CCDC191: variants seen among roughly 807,000 people sequenced by gnomAD.
The protein encoded by CCDC191 is coiled-coil domain-containing protein 191.
In CCDC191, 99 loss-of-function variants were observed where a neutral mutation model predicts 114.0. The observed-to-expected ratio is 0.87, with a 90% CI of 0.74 to 1.03. The LOEUF (loss-of-function observed/expected upper bound fraction) is 1.03, where lower values mean the gene tolerates loss of function less well. Ranked by LOEUF, CCDC191 falls within the 50% of genes least tolerant of loss-of-function variation. The pLI is 0.00. For synonymous variants in CCDC191, 351 were observed against 376.0 expected, an observed-to-expected ratio of 0.93 and a Z score of 0.77; for missense variants, 973 against 1,087.0, an observed-to-expected ratio of 0.90 and a Z score of 1.47.
chr3:113,966,174 A>G (rs1278492771), intron 16 of CCDC191, among the ~76,000 whole-genome samples: 1 of 152,210 alleles, frequency 6.6e-6, no homozygotes, highest in Non-Finnish European at 1.5e-5. Flanking sequence ...CCTGCTGGTA[A>G]CCTGACCTCC....
At chr3:114,012,228 T>A (rs904949601) in intron 8 of CCDC191, among the ~76,000 whole-genome samples, 7 of 152,044 alleles carry the variant, frequency 4.6e-5, no homozygotes, top group African/African-American at 7.2e-5. Flanking sequence ...TATACGTGTG[T>A]GTGTGTGTGT....
intron 2 of CCDC191, 184 bp from the exon 3 acceptor site, chr3:114,046,916 A>T (rs2107756646): frequency 1.0e-6 from 1 of 971,890 alleles, no homozygotes. Flanking sequence ...TTTCATATAT[A>T]ATATTAAATT....
intron 7 of CCDC191, among the ~76,000 whole-genome samples, chr3:114,024,169 A>AGAAT (rs2076284968): frequency 6.6e-6 from 1 of 152,242 alleles, no homozygotes; most frequent in Non-Finnish European, 1.5e-5. Context: ...CACACCAGTT[A>AGAAT]GAATGGCGAT....
At chr3:114,016,722 T>C (rs981643774) in intron 8 of CCDC191, among the ~76,000 whole-genome samples, 6 of 152,220 alleles carry the variant, frequency 3.9e-5, no homozygotes, top group African/African-American at 1.4e-4. Context: ...AGTGCTTTTA[T>C]ATTTAAAGTT....
At chr3:113,991,230 C>CAAAAAAAAAAAA (rs375843277) in intron 13 of CCDC191, among the ~76,000 whole-genome samples, 1 of 82,580 alleles carries the variant, frequency 1.2e-5, no homozygotes, top group Non-Finnish European at 2.3e-5. Flanking sequence ...AGTGAGACTC[C>CAAAAAAAAAAAA]AAAAAAAAAA....
At chr3:114,003,767 G>A (rs1343656143) in intron 11 of CCDC191, 2 of 985,246 alleles carry the variant, frequency 2.0e-6, no homozygotes, top group African/African-American at 3.5e-5. Flanking sequence ...TGCAGGCACA[G>A]TGTCTTTCAT....
At chr3:113,980,566 A>C (rs1317389007) in intron 14 of CCDC191, 84 bp downstream of exon 14, 21 of 1,273,704 alleles carry the variant, frequency 1.6e-5, no homozygotes, top group East Asian at 5.4e-5. Flanking sequence ...ACCAAACCCT[A>C]CCCTCCCCCA....
chr3:114,035,289 A>G (rs1288210714), intron 5 of CCDC191, 141 bp from the exon 6 acceptor site: 7 of 629,220 alleles, frequency 1.1e-5, no homozygotes, highest in African/African-American at 1.1e-4. Context: ...TTGGTAGGAA[A>G]GGAGGAATTC....
intron 4 of CCDC191, among the ~76,000 whole-genome samples, chr3:114,039,065 A>T (rs535365336): frequency 1.5e-4 from 23 of 152,250 alleles, no homozygotes; most frequent in African/African-American, 5.5e-4. Flanking sequence ...CCCTCAAAAA[A>T]TCTTAAGAAT....
chr3:114,035,026 A>T lies in CCDC191; in HGVS notation c.717T>A (p.Ala239=). ...CLVQEEKKRK[A]LEAKKEEEEI... ...CCTCTTCCTCTTTCTTGGCCTCCAG[A>T]GCCTTCCTTTTCTTCTCTTCTTGCA... Residue 239 remains alanine, a synonymous_variant, in exon 6 of 17, where the codon GCT becomes GCA. Coordinates refer to ENST00000295878, the MANE Select transcript of CCDC191 (RefSeq NM_020817.2). 6.2e-7 allele frequency: 1 copy of T among 1,613,948 alleles called. No individual in the cohort carries two copies. The highest frequency in any genetic ancestry group is 8.5e-7 in the Non-Finnish European group (1 of 1,179,978).
At chr3:114,016,052 C>A (rs143513598) in intron 8 of CCDC191, among the ~76,000 whole-genome samples, 182 of 152,282 alleles carry the variant, frequency 1.2e-3, no homozygotes, top group African/African-American at 4.0e-3. Context: ...CCCTTCATGG[C>A]GGACAGGCCA....
chr3:114,046,613 A>G lies in CCDC191; in HGVS notation c.249T>C (p.Asp83=). ...TACCTTCTGCATAGATTTCATCATGATCCTCTATTTGCTCAGATGTTTTCA... is the reference window on the plus strand; with the variant it reads ...TACCTTCTGCATAGATTTCATCATGGTCCTCTATTTGCTCAGATGTTTTCA... ...TDLKTSEQIE[D]HDEIYAEAQE... Residue 83 remains aspartate, a synonymous_variant, in exon 3 of 17, where the codon GAT becomes GAC. Transcript: ENST00000295878. The G allele has an allele frequency of 2.5e-6, 4 of 1,599,284 alleles. No homozygotes were observed. Among genetic ancestry groups the G allele is most frequent in the Non-Finnish European group, 3.4e-6 (4 of 1,166,700 alleles).
intron 16 of CCDC191, among the ~76,000 whole-genome samples, chr3:113,976,469 G>GA (rs1172923506): frequency 6.6e-6 from 1 of 151,966 alleles, no homozygotes; most frequent in Non-Finnish European, 1.5e-5. Flanking sequence ...CTGAAAAATG[G>GA]AAATAATGAC....
chr3:114,027,183 A>T (rs952824958), intron 7 of CCDC191, among the ~76,000 whole-genome samples: 29 of 152,216 alleles, frequency 1.9e-4, no homozygotes, highest in Admixed American at 3.9e-4. Flanking sequence ...AAGACATGAA[A>T]TGTGTAGAAA....
Position 114,045,562 on chromosome 3 carries a change from G to A in CCDC191, c.271+1029C>T, listed in dbSNP as rs149782606. ...AAATCCTTCATATATTTTATAAACT[G>A]TCATATTACTCCTCTGCTTAAAACC... On this transcript the variant is annotated intron_variant, in intron 3 of 16. Transcript: ENST00000295878. Among the ~76,000 whole-genome samples the A allele has an allele frequency of 2.3e-3, 344 of 152,110 alleles. 1 individual carries two copies. Among genetic ancestry groups the A allele is most frequent in the Admixed American group, 5.0e-3 (76 of 15,278 alleles).
At chr3:114,037,846 A>T (rs947567252) in intron 4 of CCDC191, among the ~76,000 whole-genome samples, 3 of 152,222 alleles carry the variant, frequency 2.0e-5, no homozygotes, top group Non-Finnish European at 4.4e-5. Flanking sequence ...AATGACAAGA[A>T]AAAAGCTGTA....
intron 13 of CCDC191, among the ~76,000 whole-genome samples, chr3:113,988,585 C>T (rs187083367): frequency 1.5e-5 from 2 of 137,738 alleles, no homozygotes; most frequent in Admixed American, 1.6e-4. Context: ...GAGATCACGC[C>T]ACTGCACTCC....
At chr3:114,016,062 A>G (rs1473255243) in intron 8 of CCDC191, among the ~76,000 whole-genome samples, 1 of 152,262 alleles carries the variant, frequency 6.6e-6, no homozygotes, top group African/African-American at 2.4e-5. Flanking sequence ...CGGACAGGCC[A>G]GTGAGCGGAA....
Position 114,046,619 on chromosome 3 carries a change from T to C in CCDC191, c.243A>G (p.Ile81Met). Residue 81 changes from isoleucine to methionine, a missense_variant, in exon 3 of 17, where the codon ATA (isoleucine) becomes ATG (methionine). Transcript: ENST00000295878. ...QITDLKTSEQ[I>M]EDHDEIYAEA... ...CTGCATAGATTTCATCATGATCCTC[T>C]ATTTGCTCAGATGTTTTCAAATCTG... The C allele has an allele frequency of 6.2e-7, 1 of 1,604,972 alleles. No individual in the cohort carries two copies. Among genetic ancestry groups the C allele is most frequent in the South Asian group, 1.1e-5 (1 of 90,852 alleles).
Sources: gnomAD v4.1 joint callset for allele counts (sites outside exome capture counted in the v4.1 genomes callset) on GRCh38, gnomAD v4.1.1 for gene constraint, MANE v1.5 for transcripts, NCBI Gene and HGNC (gene_info 2026-07-23, HGNC 2026-07-21) for gene names.